Variants in CFHR5 observed in about 807,000 individuals in gnomAD.
The protein encoded by CFHR5 is complement factor H-related protein 5.
Under a neutral mutation model 62.9 loss-of-function variants are expected in CFHR5, and 73 were observed. The observed-to-expected ratio is 1.16, with a 90% CI of 0.96 to 1.41. The LOEUF is 1.41. Ranked by LOEUF, CFHR5 falls within the 40% of genes most tolerant of loss-of-function variation. The pLI, the probability that CFHR5 is intolerant of heterozygous loss-of-function variation, is 0.00. For missense variants in CFHR5, 779 were observed against 679.9 expected, an observed-to-expected ratio of 1.15 and a Z score of -1.62; for synonymous variants, 249 against 227.2, an observed-to-expected ratio of 1.10 and a Z score of -0.86.
intron 7 of CFHR5, among the ~76,000 whole-genome samples, chr1:196,999,742 T>TAG (rs1553315426): frequency 8.1e-6 from 1 of 122,790 alleles, no homozygotes; most frequent in Non-Finnish European, 1.6e-5. Flanking sequence ...CACATATATA[T>TAG]ACACACACAT....
chr1:197,006,382 G>A (rs1654290148), intron 9 of CFHR5, among the ~76,000 whole-genome samples: 1 of 150,200 alleles, frequency 6.7e-6, no homozygotes, highest in Admixed American at 6.6e-5. Flanking sequence ...TATTTCCCAT[G>A]AGATAGGAGA....
Position 197,007,041 on chromosome 1 carries a change from T to C in CFHR5, c.1514-1446T>C, listed in dbSNP as rs534884145. On this transcript the variant is annotated intron_variant, in intron 9 of 9. Coordinates refer to ENST00000256785, the MANE Select transcript of CFHR5 (RefSeq NM_030787.4). ...TAGTAGAGACAGGGTTTCACCCTGT[T>C]GGCCAGGCTGGTCTTGAACTCTTGA... 2.5e-3 allele frequency among the ~76,000 whole-genome samples: 374 copies of C among 151,862 alleles called. 1 individual carries two copies. The highest frequency in any genetic ancestry group is 8.7e-3 in the African/African-American group (362 of 41,424).
rs372645937 is a variant in CFHR5, at chr1:196,984,121, C to T, written c.414C>T (p.Pro138=). The T allele has an allele frequency of 2.5e-6, 4 of 1,612,238 alleles. 1 individual carries two copies. The African/African-American group carries it at 5.4e-5, about 22-fold the overall frequency. ...SCVERGWSTP[P]ICSFTKGECH... is the part of the protein sequence containing the mutation. ...TAGAACGGGGCTGGTCCACTCCTCC[C>T]ATATGCAGCTTCACTAGTAAGCAAA... Residue 138 remains proline, a synonymous_variant, in exon 3 of 10, where the codon CCC becomes CCT. Coordinates refer to ENST00000256785, the MANE Select transcript of CFHR5 (RefSeq NM_030787.4).
chr1:196,980,909 A>G (rs1653525923), intron 1 of CFHR5, among the ~76,000 whole-genome samples: 2 of 152,140 alleles, frequency 1.3e-5, no homozygotes, highest in African/African-American at 4.8e-5. Flanking sequence ...TAATTTTGCA[A>G]TTTTCAAAAA....
chr1:196,999,693 A>G (rs12731848), intron 7 of CFHR5, among the ~76,000 whole-genome samples: 787 of 16,286 alleles, frequency 0.048, 16 homozygotes, highest in South Asian at 0.14. Context: ...GTATATATAT[A>G]TATATATATA....
intron 9 of CFHR5, among the ~76,000 whole-genome samples, chr1:197,006,710 CAAA>C (rs199587226): frequency 2.1e-5 from 3 of 141,898 alleles, no homozygotes; most frequent in Non-Finnish European, 1.5e-5. Flanking sequence ...GAAACTCCGT[CAAA>C]AAAAAAAAAA....
intron 3 of CFHR5, among the ~76,000 whole-genome samples, chr1:196,989,190 G>A (rs983050593): frequency 4.6e-5 from 7 of 152,250 alleles, no homozygotes; most frequent in Middle Eastern, 3.4e-3. Context: ...ATGGTAGTTT[G>A]TATTTCTGTG....
intron 7 of CFHR5, among the ~76,000 whole-genome samples, chr1:197,000,513 A>G (rs954984103): frequency 2.0e-4 from 30 of 152,204 alleles, no homozygotes; most frequent in Admixed American, 9.8e-4. Flanking sequence ...TTTACCTAAA[A>G]TATAAAAACA....
intron 9 of CFHR5, among the ~76,000 whole-genome samples, chr1:197,005,075 A>G (rs538634975): frequency 7.9e-5 from 12 of 152,326 alleles, no homozygotes; most frequent in African/African-American, 2.6e-4. Flanking sequence ...AAGGTGCATT[A>G]TGAAATTCTG....
At chr1:196,984,748 C>T (rs1009016493) in intron 3 of CFHR5, among the ~76,000 whole-genome samples, 2 of 152,152 alleles carry the variant, frequency 1.3e-5, no homozygotes, top group African/African-American at 4.8e-5. Context: ...TATGCTTACA[C>T]ACCTCAGTAT....
rs781094025 is a variant in CFHR5 at position 196,995,799 on chromosome 1, T to A, written c.690T>A (p.Asn230Lys). ...TAAGAAAAGAGGAATATGGACACAA[T>A]GAAGTAGTGGAATATGATTGCAATC... ...KEIRKEEYGH[N>K]EVVEYDCNPN... The change falls in exon 5 of 10, where the codon AAT becomes AAA. Residue 230 changes from asparagine to lysine, a missense_variant. Asn to Lys is a moderately conservative substitution (Grantham distance 94). Coordinates refer to ENST00000256785, the MANE Select transcript of CFHR5 (RefSeq NM_030787.4). 5.0e-6 allele frequency: 8 copies of A among 1,612,274 alleles called. No individual in the cohort carries two copies. In the South Asian group the frequency reaches 7.7e-5, roughly 15 times the overall value.
intron 3 of CFHR5, among the ~76,000 whole-genome samples, chr1:196,993,332 T>C (rs945499619): frequency 1.3e-5 from 2 of 152,166 alleles, no homozygotes. Flanking sequence ...TCTCACTCTG[T>C]CACCCAGGCT....
chr1:197,004,069 T>C (rs1043612015), intron 8 of CFHR5, among the ~76,000 whole-genome samples: 3 of 152,130 alleles, frequency 2.0e-5, no homozygotes, highest in Admixed American at 1.3e-4. Context: ...TGGTGATATA[T>C]AAAGGGAGAT....
chr1:196,979,543 CA>C (rs1653483466), intron 1 of CFHR5, among the ~76,000 whole-genome samples: 1 of 152,030 alleles, frequency 6.6e-6, no homozygotes, highest in Non-Finnish European at 1.5e-5. Context: ...AATAAAAATA[CA>C]ATATAAAATA....
chr1:197,008,845 C>T lies in CFHR5; in HGVS notation c.*162C>T, dbSNP rs1324246560. 1 of 650,088 alleles carries T rather than the reference C, an allele frequency of 1.5e-6. No homozygotes were observed. Among genetic ancestry groups the T allele is most frequent in the Admixed American group, 2.4e-5 (1 of 41,688 alleles). 40.3% of individuals were successfully genotyped at this position (650,088 alleles called of 1,614,324 possible). ...TTTTAGAGCTTTAGAAATTTGTAAG[C>T]TGAGAGAACAATGTTTCACTTAATA... On this transcript the variant is annotated 3_prime_UTR_variant, in exon 10 of 10. Transcript: ENST00000256785.
Position 197,008,790 on chromosome 1 carries a change from T to C in CFHR5, c.*107T>C, listed in dbSNP as rs1285142657. 2.2e-6 allele frequency: 2 copies of C among 914,078 alleles called. No homozygotes were observed. The highest frequency in any genetic ancestry group is 1.7e-5 in the African/African-American group (1 of 60,400). The allele number at this position is 914,078 out of a possible 1,614,324, so 56.6% of individuals were successfully genotyped here. A position where few individuals can be genotyped will look rare whatever the true frequency, so the allele number is the denominator to read the frequency against. On this transcript the variant is annotated 3_prime_UTR_variant, in exon 10 of 10. Transcript: ENST00000256785. ...ACTTCTTTTATTCTTTCAGGTGTTG[T>C]TTAACTCAGTTTTATTTAGAACTCT... is the stretch of plus-strand genomic sequence containing the variant.
Position 197,002,488 on chromosome 1 carries a change from G to A in CFHR5, c.1154G>A (p.Arg385Lys), listed in dbSNP as rs1169580920. 6.8e-6 allele frequency: 11 copies of A among 1,611,450 alleles called. No homozygotes were observed. The highest frequency in any genetic ancestry group is 2.2e-5 in the South Asian group (2 of 90,880). Residue 385 changes from arginine to lysine, a missense_variant, in exon 8 of 10, where the codon AGG becomes AAG. Transcript: ENST00000256785. ...TAATTCCAATATTTTGTAGAAAAAA[G>A]GGAACAATTCTGCCCACCGCCACCT... ...WNPEVDCTEK[R>K]EQFCPPPPQI...
rs147791058 is a variant in CFHR5, at chr1:196,984,091, G to A, written c.384G>A (p.Ser128=). The change falls in exon 3 of 10, where the codon TCG becomes TCA. Residue 128 remains serine (S), a synonymous_variant. Transcript: ENST00000256785. ...TTCAAAACAATGAGAAAAACATTTC[G>A]TGTGTAGAACGGGGCTGGTCCACTC... ...YSLQNNEKNI[S]CVERGWSTPP... The A allele has an allele frequency of 3.0e-5, 48 of 1,613,622 alleles. No individual in the cohort carries two copies. In the Admixed American group the frequency reaches 4.2e-4, roughly 14 times the overall value.
Position 197,004,773 on chromosome 1 carries a change from C to T in CFHR5, c.1443C>T (p.Phe481=). 4 of 1,613,692 alleles carry T rather than the reference C, an allele frequency of 2.5e-6. No homozygotes were observed. The highest frequency in any genetic ancestry group is 3.4e-6 in the Non-Finnish European group (4 of 1,179,718). ...GSTVTYRCQS[F]YKLQGSVTVT... is the part of the protein sequence containing the mutation. ...CAGTGACGTACCGTTGCCAGTCCTT[C>T]TATAAACTCCAGGGCTCTGTAACTG... Residue 481 remains phenylalanine, a synonymous_variant, in exon 9 of 10, where the codon TTC becomes TTT. Transcript: ENST00000256785.
Sources: allele counts gnomAD v4.1 joint callset (sites outside exome capture counted in the v4.1 genomes callset), GRCh38; gene constraint gnomAD v4.1.1; transcripts MANE v1.5; gene names NCBI Gene and HGNC (gene_info 2026-07-23, HGNC 2026-07-21).